The following DLEC1 variants were observed in gnomAD, a reference collection of about 807,000 sequenced individuals.
The protein encoded by DLEC1 is deleted in lung and esophageal cancer protein 1.
In DLEC1, 146 loss-of-function variants were observed where a neutral mutation model predicts 198.1. That is an observed-to-expected ratio of 0.74 (90% CI 0.64 to 0.85). The LOEUF is 0.85. Ranked by LOEUF, DLEC1 falls within the 40% of genes least tolerant of loss-of-function variation. The probability of loss-of-function intolerance (pLI) is 0.00; values close to 1 mark genes in which losing one functional copy is unlikely to be tolerated. For synonymous variants in DLEC1, 897 were observed against 866.8 expected (o/e 1.03, Z -0.61); for missense variants, 2,233 against 2,220.0 (o/e 1.01, Z -0.12).
chr3:38,055,624 T>C (rs932569749), intron 2 of DLEC1, among the ~76,000 whole-genome samples: 17 of 152,094 alleles, frequency 1.1e-4, no homozygotes, highest in African/African-American at 3.9e-4. Flanking sequence ...CTGAAGAACG[T>C]ACTTCCAGCA....
In DLEC1 at chr3:38,062,167, A is replaced by T; in HGVS notation, c.674-2A>T. 6.2e-7 allele frequency: 1 copy of T among 1,614,164 alleles called. No individual in the cohort carries two copies. The highest frequency in any genetic ancestry group is 8.5e-7 in the Non-Finnish European group (1 of 1,180,034). On this transcript the variant is annotated splice_acceptor_variant, in intron 3 of 36. Coordinates refer to ENST00000308059, the MANE Select transcript of DLEC1 (RefSeq NM_007335.4). LOFTEE classifies it high-confidence loss of function. ...ATTCAGTTTGTTTCCTTGATGCTGT[A>T]GGCATCTCCCTACCTGGATGTTCAA...
At position 38,116,531 on chromosome 3, in the gene DLEC1, C is replaced by T. The variant is rs772630777; in HGVS notation, c.3935C>T (p.Pro1312Leu). 1 of 1,614,132 alleles carries T rather than the reference C, an allele frequency of 6.2e-7. No homozygotes were observed. Among genetic ancestry groups the T allele is most frequent in the Non-Finnish European group, 8.5e-7 (1 of 1,179,994 alleles). Residue 1312 changes from proline to leucine, a missense_variant, in exon 28 of 37, where the codon CCA becomes CTA. Pro to Leu is a moderately conservative substitution (Grantham distance 98). Coordinates refer to ENST00000308059, the MANE Select transcript of DLEC1 (RefSeq NM_007335.4). ...RLVELLVFYG[P>L]PFPLRDQAGN... is the part of the protein sequence containing the mutation. ...GTGGAGCTGCTGGTGTTTTATGGGCCACCTTTCCCGCTGCGGGACCAAGCC... is the reference window on the plus strand; with the variant it reads ...GTGGAGCTGCTGGTGTTTTATGGGCTACCTTTCCCGCTGCGGGACCAAGCC...
At chr3:38,115,436 C>T (rs992981851) in intron 27 of DLEC1, among the ~76,000 whole-genome samples, 10 of 152,152 alleles carry the variant, frequency 6.6e-5, no homozygotes, top group East Asian at 1.9e-4. Context: ...AAGGGAAGGC[C>T]GGAGTGCTGG....
Position 38,059,850 on chromosome 3 carries a change from A to G in DLEC1, c.671A>G (p.Lys224Arg). The change falls in exon 3 of 37, where the codon AAA becomes AGA. Residue 224 changes from lysine to arginine, a missense_variant and splice_region_variant. Lys to Arg is a conservative substitution (Grantham distance 26). Coordinates refer to ENST00000308059, the MANE Select transcript of DLEC1 (RefSeq NM_007335.4). ...ACAGTGCCGTTTCACTCTGCACCTA[A>G]AGGTAATGCTTCTGTGCTCTCAAGG... ...TDTVPFHSAP[K>R]GISLPGCSKL... is the part of the protein sequence containing the mutation. 1 of 1,613,676 alleles carries G rather than the reference A, an allele frequency of 6.2e-7. No individual in the cohort carries two copies. Among genetic ancestry groups the G allele is most frequent in the Non-Finnish European group, 8.5e-7 (1 of 1,179,818 alleles).
At chr3:38,095,268 TC>T in intron 13 of DLEC1, 197 bp downstream of exon 13, 1 of 621,832 alleles carries the variant, frequency 1.6e-6, no homozygotes, top group Non-Finnish European at 2.8e-6. Flanking sequence ...CTGGTCCTGA[TC>T]CCAGACTCAC....
rs768982207 is a variant in DLEC1, at chr3:38,059,774, G to A, written c.595G>A (p.Glu199Lys). 10 of 1,613,992 alleles carry A rather than the reference G, an allele frequency of 6.2e-6. No homozygotes were observed. Among genetic ancestry groups the A allele is most frequent in the East Asian group, 4.5e-5 (2 of 44,892 alleles). ...TGTCTCCAGATGGTGTATAGACAGC[G>A]AGTTGCTACGGAAACATCATTTGAT... ...KSVSRWCIDSELLRKHHLISP... is the reference protein window; with the variant it reads ...KSVSRWCIDSKLLRKHHLISP... Residue 199 changes from glutamate (E) to lysine (K), a missense_variant, in exon 3 of 37, where the codon GAG becomes AAG. Transcript: ENST00000308059.
At chr3:38,079,329 G>C (rs1190050065) in intron 6 of DLEC1, among the ~76,000 whole-genome samples, 1 of 152,196 alleles carries the variant, frequency 6.6e-6, no homozygotes, top group African/African-American at 2.4e-5. Context: ...GAGTTGGGGA[G>C]TTTTAAGAGG....
chr3:38,108,342 C>T (rs1380538935), intron 20 of DLEC1, 63 bp from the exon 21 acceptor site: 51 of 1,388,774 alleles, frequency 3.7e-5, no homozygotes, highest in Non-Finnish European at 5.0e-5. Context: ...TGAGCACTCT[C>T]TGGATACTGG....
At chr3:38,114,544 T>A in intron 26 of DLEC1, 84 bp downstream of exon 26, 5 of 1,383,430 alleles carry the variant, frequency 3.6e-6, no homozygotes, top group Non-Finnish European at 5.1e-6. Flanking sequence ...CACGTTGGCT[T>A]GTTATTCTCC....
chr3:38,040,046 C>T (rs1375884049), intron 1 of DLEC1, among the ~76,000 whole-genome samples: 1 of 152,156 alleles, frequency 6.6e-6, no homozygotes, highest in Non-Finnish European at 1.5e-5. Context: ...TTTTAGGAAG[C>T]GTGTCTAGCC....
rs201487599 is a variant in DLEC1 at position 38,122,356 on chromosome 3, C to A, written c.5212C>A (p.Arg1738=). 3.1e-4 allele frequency: 504 copies of A among 1,614,144 alleles called. 2 individuals carry two copies. Among genetic ancestry groups the A allele is most frequent in the African/African-American group, 1.3e-3 (97 of 75,024 alleles). Reference sequence around the variant, plus strand: ...GCTCGGTGAGAAGTCCTGCACCCTGCGGCTCCGGGGCCAAGGCTCCTATGA... The same window carrying A: ...GCTCGGTGAGAAGTCCTGCACCCTGAGGCTCCGGGGCCAAGGCTCCTATGA... ...GVLGEKSCTL[R]LRGQGSYDER... is the part of the protein sequence containing the mutation. Residue 1738 remains arginine, a synonymous_variant, in exon 37 of 37, where the codon CGG becomes AGG. Transcript: ENST00000308059.
intron 2 of DLEC1, among the ~76,000 whole-genome samples, chr3:38,049,767 A>G (rs1292080872): frequency 1.3e-5 from 2 of 152,238 alleles, no homozygotes; most frequent in Non-Finnish European, 2.9e-5. Context: ...CTCTTGTCAC[A>G]TGGCCTTTAT....
chr3:38,060,755 C>T (rs1209895252), intron 3 of DLEC1, among the ~76,000 whole-genome samples: 1 of 151,682 alleles, frequency 6.6e-6, no homozygotes, highest in Non-Finnish European at 1.5e-5. Flanking sequence ...AGTGCAATGG[C>T]ACGATCTTGG....
chr3:38,100,352 A>G lies in DLEC1; in HGVS notation c.2791A>G (p.Ile931Val), dbSNP rs1699241278. The change falls in exon 19 of 37, where the codon ATC (isoleucine) becomes GTC (valine). Residue 931 changes from isoleucine (I) to valine (V), a missense_variant. Coordinates refer to ENST00000308059, the MANE Select transcript of DLEC1 (RefSeq NM_007335.4). ...CTCTCTGGGGGAGTGCAGGGTGGAC[A>G]TCACCTTGGAGGCCCTGCACTGCCA... ...LHSLGECRVD[I>V]TLEALHCQHL... 1.2e-6 allele frequency: 2 copies of G among 1,614,026 alleles called. No homozygotes were observed. Among genetic ancestry groups the G allele is most frequent in the East Asian group, 2.2e-5 (1 of 44,862 alleles).
chr3:38,087,277 CACACCATCCATCAGCACTG>C (rs1342222366), intron 9 of DLEC1, among the ~76,000 whole-genome samples: 3,461 of 147,624 alleles, frequency 0.023, 61 homozygotes, highest in Non-Finnish European at 0.033. Flanking sequence ...TCAGCATGCT[CACACCATCCATCAGCACTG>C]ACACCATCCA....
chr3:38,109,699 G>T (rs1699761676), intron 22 of DLEC1, 137 bp downstream of exon 22: 7 of 1,426,184 alleles, frequency 4.9e-6, no homozygotes, highest in African/African-American at 1.4e-5. Context: ...CAGTGTTATT[G>T]CGGCCACTCA....
At position 38,084,111 on chromosome 3, in the gene DLEC1, G is replaced by T. The variant is rs375938072; in HGVS notation, c.1174-47G>T. On this transcript the variant is annotated intron_variant, in intron 6 of 36. Transcript: ENST00000308059. ...TAAATCCTGGACATCGTATCATTTC[G>T]TCTATAAGTGTTGCTGTCTAAAAGA... is the stretch of plus-strand genomic sequence containing the variant. 4.9e-5 allele frequency: 76 copies of T among 1,553,818 alleles called. No individual in the cohort carries two copies. In the African/African-American group the frequency reaches 9.9e-4, roughly 20 times the overall value.
In DLEC1 at chr3:38,068,019, C is replaced by T. The variant is rs185038979; in HGVS notation, c.1173+4100C>T. 2.6e-5 allele frequency among the ~76,000 whole-genome samples: 4 copies of T among 152,214 alleles called. No individual in the cohort carries two copies. In the East Asian group the frequency reaches 5.8e-4, roughly 22 times the overall value. ...TTCACTCGCCTTGGCCTCCCAAAGT[C>T]CTGGGATTACAGGCGTGAGCCATTG... On this transcript the variant is annotated intron_variant, in intron 6 of 36. Transcript: ENST00000308059.
At chr3:38,046,982 C>T (rs1700914492) in intron 2 of DLEC1, among the ~76,000 whole-genome samples, 2 of 152,218 alleles carry the variant, frequency 1.3e-5, no homozygotes, top group South Asian at 2.1e-4. Flanking sequence ...CTTAGGCAAA[C>T]ATTCTGGGCA....
Sources: gnomAD v4.1 joint callset for allele counts (sites outside exome capture counted in the v4.1 genomes callset) on GRCh38, gnomAD v4.1.1 for gene constraint, MANE v1.5 for transcripts, NCBI Gene and HGNC (gene_info 2026-07-23, HGNC 2026-07-21) for gene names.